The following TG variants were observed in gnomAD, a reference collection of about 807,000 sequenced individuals.
TG encodes the protein thyroglobulin.
In TG, 270 loss-of-function variants were observed where a neutral mutation model predicts 324.7. The ratio of observed to expected loss-of-function variants is 0.83; its 90% CI spans 0.75 to 0.92. The LOEUF is 0.92. Among genes scored for constraint, TG ranks in the 40% least tolerant of loss-of-function variants. TG has a pLI of 0.00. For synonymous variants in TG, 1,401 were observed against 1,327.0 expected (o/e 1.06, Z -1.21); for missense variants, 3,591 against 3,456.4 (o/e 1.04, Z -0.98).
intron 41 of TG, among the ~76,000 whole-genome samples, chr8:133,093,956 A>T (rs1332566911): frequency 6.6e-6 from 1 of 152,168 alleles, no homozygotes; most frequent in Admixed American, 6.5e-5. Flanking sequence ...AGTGGTTGCT[A>T]TTATTTCCAT....
intron 34 of TG, among the ~76,000 whole-genome samples, chr8:132,982,404 G>C (rs1337162182): frequency 2.0e-5 from 3 of 152,168 alleles, no homozygotes; most frequent in Non-Finnish European, 4.4e-5. Context: ...GATTTATTCA[G>C]TAAAGGAAGA....
At chr8:132,868,074 A>C in intron 1 of TG, 41 bp from the exon 2 acceptor site, 1 of 1,575,662 alleles carries the variant, frequency 6.3e-7, no homozygotes, top group Non-Finnish European at 8.7e-7. Context: ...CTGGCAGCCC[A>C]GTCCACACTC....
At chr8:133,002,917 T>A in intron 35 of TG, 1 of 825,810 alleles carries the variant, frequency 1.2e-6, no homozygotes, top group South Asian at 4.3e-5. Context: ...GTAACACCTG[T>A]GGGTTATACC....
intron 35 of TG, among the ~76,000 whole-genome samples, chr8:132,999,249 GC>G (rs1833204952): frequency 6.6e-6 from 1 of 152,104 alleles, no homozygotes; most frequent in Admixed American, 6.6e-5. Flanking sequence ...AGGCGGGCTG[GC>G]ATTCTGCTTT....
chr8:133,049,816 T>C, intron 41 of TG: 1 of 939,886 alleles, frequency 1.1e-6, no homozygotes, highest in South Asian at 1.3e-5. Flanking sequence ...TCCTTACCAC[T>C]ATGAATGCTG....
chr8:132,874,742 G>C (rs911414688), intron 5 of TG, among the ~76,000 whole-genome samples: 2 of 152,196 alleles, frequency 1.3e-5, no homozygotes, highest in Non-Finnish European at 2.9e-5. Context: ...TTAAAAAATA[G>C]TTGAACATGA....
intron 45 of TG, among the ~76,000 whole-genome samples, chr8:133,120,507 C>G (rs888095951): frequency 2.6e-5 from 4 of 152,166 alleles, no homozygotes; most frequent in African/African-American, 9.7e-5. Flanking sequence ...AGCATGCTCC[C>G]CCTGTAGGTG....
intron 35 of TG, among the ~76,000 whole-genome samples, chr8:132,990,603 A>T (rs1451019098): frequency 6.6e-6 from 1 of 152,068 alleles, no homozygotes; most frequent in Non-Finnish European, 1.5e-5. Context: ...CCCAACCTCT[A>T]ATGACCACAC....
intron 41 of TG, chr8:133,040,236 G>A (rs1235515687): frequency 2.4e-6 from 3 of 1,256,478 alleles, no homozygotes; most frequent in African/African-American, 3.0e-5. Context: ...CTGCTGCCAT[G>A]GGGAACTGGG....
chr8:133,072,039 C>G (rs1398313239), intron 41 of TG, among the ~76,000 whole-genome samples: 1 of 152,174 alleles, frequency 6.6e-6, no homozygotes, highest in East Asian at 1.9e-4. Context: ...TCTGAGGTAG[C>G]TATTTTGCCC....
intron 35 of TG, chr8:133,003,134 C>A: frequency 3.4e-6 from 2 of 588,486 alleles, no homozygotes; most frequent in Non-Finnish European, 4.3e-6. Flanking sequence ...CAATTTTTAA[C>A]AGCTGAAAAT....
chr8:132,923,437 G>A lies in TG; in HGVS notation c.4628G>A (p.Cys1543Tyr). ...QKDRGSGKAF[C>Y]VDGEGRRLPW... ...GACAGGGGCAGTGGGAAGGCCTTCT[G>A]TGTGGACGGCGAGGGGCGGAGGCTG... Residue 1543 changes from cysteine to tyrosine, a missense_variant, in exon 22 of 48, where the codon TGT becomes TAT. Transcript: ENST00000220616. 6.2e-7 allele frequency: 1 copy of A among 1,614,168 alleles called. No homozygotes were observed. The highest frequency in any genetic ancestry group is 8.5e-7 in the Non-Finnish European group (1 of 1,180,044).
chr8:133,128,513 C>T lies in TG; in HGVS notation c.7863-3299C>T, dbSNP rs550970801. On this transcript the variant is annotated intron_variant, in intron 45 of 47. Coordinates refer to ENST00000220616, the MANE Select transcript of TG (RefSeq NM_003235.5). ...GTTTTTAAAGGAATTTACACCCACT[C>T]GATCTATGAGCATCCGATATACCAT... is the stretch of plus-strand genomic sequence containing the variant. Among the ~76,000 whole-genome samples, 15 of 152,160 alleles carry T rather than the reference C, an allele frequency of 9.9e-5. No individual in the cohort carries two copies. The South Asian group carries it at 2.7e-3, about 27-fold the overall frequency.
At position 132,898,180 on chromosome 8, in the gene TG, T is replaced by C. The variant is rs768320340; in HGVS notation, c.3151T>C (p.Cys1051Arg). Residue 1051 changes from cysteine to arginine, a missense_variant, in exon 13 of 48, where the codon TGT becomes CGT. Transcript: ENST00000220616. ...QCHAGTGHCWCVDEKGGFIPG... is the reference protein window; with the variant it reads ...QCHAGTGHCWRVDEKGGFIPG... ...TGGCTCTTTTCCAGGGCACTGCTGG[T>C]GTGTAGATGAGAAAGGAGGGTTCAT... 1 of 1,603,518 alleles carries C rather than the reference T, an allele frequency of 6.2e-7. No homozygotes were observed. Among genetic ancestry groups the C allele is most frequent in the South Asian group, 1.1e-5 (1 of 88,576 alleles).
intron 37 of TG, among the ~76,000 whole-genome samples, chr8:133,015,452 A>G (rs915980841): frequency 1.3e-5 from 2 of 152,226 alleles, no homozygotes; most frequent in East Asian, 1.9e-4. Flanking sequence ...AGAATCTACC[A>G]TTTCTGCAAA....
chr8:132,966,490 C>G, intron 29 of TG, 70 bp from the exon 30 acceptor site: 91 of 1,426,196 alleles, frequency 6.4e-5, no homozygotes, highest in Non-Finnish European at 8.0e-5. Flanking sequence ...GTGTGTGTTT[C>G]TTTCTTGTGT....
chr8:132,980,345 T>C (rs961785317), intron 34 of TG, among the ~76,000 whole-genome samples: 1 of 152,134 alleles, frequency 6.6e-6, no homozygotes, highest in Non-Finnish European at 1.5e-5. Flanking sequence ...ATTACTCATA[T>C]GTGATGGAAC....
At chr8:133,040,171 C>T (rs144895047) in intron 41 of TG, 125 of 1,560,306 alleles carry the variant, frequency 8.0e-5, no homozygotes, top group South Asian at 3.5e-4. Flanking sequence ...ACCCTGGGGA[C>T]GCCTCAGCCA....
chr8:133,067,528 C>A (rs1272547946), intron 41 of TG, among the ~76,000 whole-genome samples: 1 of 152,250 alleles, frequency 6.6e-6, no homozygotes, highest in South Asian at 2.1e-4. Context: ...GGAATCCCAG[C>A]ATGTTGGGAG....
Sources: allele counts gnomAD v4.1 joint callset (sites outside exome capture counted in the v4.1 genomes callset), GRCh38; gene constraint gnomAD v4.1.1; transcripts MANE v1.5; gene names NCBI Gene and HGNC (gene_info 2026-07-23, HGNC 2026-07-21).